The following CTNND2 variants were observed in gnomAD, a reference collection of about 807,000 sequenced individuals.
CTNND2 encodes catenin delta 2.
A neutral mutation model predicts 144.4 loss-of-function variants in CTNND2; 22 were observed. The observed-to-expected ratio is 0.15, with a 90% CI of 0.11 to 0.22. The LOEUF (loss-of-function observed/expected upper bound fraction) is 0.22. Among genes scored for constraint, CTNND2 ranks in the 10% least tolerant of loss-of-function variants. The probability of loss-of-function intolerance (pLI) is 1.00; values close to 1 mark genes in which losing one functional copy is unlikely to be tolerated. For synonymous variants in CTNND2, 751 were observed against 695.6 expected, an observed-to-expected ratio of 1.08 and a Z score of -1.25; for missense variants, 1,353 against 1,618.8, an observed-to-expected ratio of 0.84 and a Z score of 2.82.
At chr5:11,658,723 A>G (rs1204475753) in intron 2 of CTNND2, among the ~76,000 whole-genome samples, 1 of 152,156 alleles carries the variant, frequency 6.6e-6, no homozygotes, top group African/African-American at 2.4e-5. Flanking sequence ...TGCTGAGGGG[A>G]GGAAGTGACA....
intron 16 of CTNND2, among the ~76,000 whole-genome samples, chr5:11,067,458 T>C (rs545512963): frequency 6.6e-5 from 10 of 152,194 alleles, no homozygotes; most frequent in African/African-American, 9.7e-5. Flanking sequence ...AAAGAAACCA[T>C]GGGCCAAAGC....
chr5:11,265,150 C>A (rs1011420959), intron 9 of CTNND2, among the ~76,000 whole-genome samples: 3 of 151,802 alleles, frequency 2.0e-5, no homozygotes, highest in Non-Finnish European at 2.9e-5. Flanking sequence ...TGTATTAAAT[C>A]AAAAAAACTG....
chr5:11,075,036 T>A lies in CTNND2; in HGVS notation c.2788+7660A>T, dbSNP rs1056698957. Among the ~76,000 whole-genome samples, 7 of 151,888 alleles carry A rather than the reference T, an allele frequency of 4.6e-5. No individual in the cohort carries two copies. In the East Asian group the frequency reaches 1.4e-3, roughly 30 times the overall value. ...GGAAAGGAATAGCAATGATTTTTAC[T>A]ACTTAAAAAATAATAAACTCCCAGG... On this transcript the variant is annotated intron_variant, in intron 16 of 21. Coordinates refer to ENST00000304623, the MANE Select transcript of CTNND2 (RefSeq NM_001332.4).
chr5:11,275,369 C>G (rs537233591), intron 9 of CTNND2, among the ~76,000 whole-genome samples: 1 of 152,318 alleles, frequency 6.6e-6, no homozygotes, highest in East Asian at 1.9e-4. Flanking sequence ...TGACTGGAAG[C>G]CAGCTCTCCC....
chr5:11,417,681 TCTC>T (rs1395444054), intron 3 of CTNND2, among the ~76,000 whole-genome samples: 2 of 152,170 alleles, frequency 1.3e-5, no homozygotes, highest in Admixed American at 6.5e-5. Flanking sequence ...GGGAAGTAAT[TCTC>T]ATACACTGTA....
intron 16 of CTNND2, among the ~76,000 whole-genome samples, chr5:11,064,078 T>C (rs999191501): frequency 6.6e-6 from 1 of 152,030 alleles, no homozygotes; most frequent in Admixed American, 6.5e-5. Flanking sequence ...AAGATGACTT[T>C]AGAACTTCAG....
chr5:11,802,804 T>C (rs1365870537), intron 1 of CTNND2, among the ~76,000 whole-genome samples: 1 of 152,220 alleles, frequency 6.6e-6, no homozygotes, highest in Non-Finnish European at 1.5e-5. Context: ...TTTTATCAAA[T>C]ACATATTCAT....
chr5:11,082,726 C>A lies in CTNND2; in HGVS notation c.2758G>T (p.Ala920Ser). 1 of 1,614,176 alleles carries A rather than the reference C, an allele frequency of 6.2e-7. No individual in the cohort carries two copies. Among genetic ancestry groups the A allele is most frequent in the Non-Finnish European group, 8.5e-7 (1 of 1,180,028 alleles). The change falls in exon 16 of 22, where the codon GCC becomes TCC. Residue 920 changes from alanine (A) to serine (S), a missense_variant. Physicochemically the swap from Ala to Ser is moderately conservative, Grantham distance 99. Transcript: ENST00000304623. ...AGCTCCTTATTTCTGACGTCCAAGG[C>A]CATGTTCCGCAGCGCAGTGGCCACC... is the stretch of plus-strand genomic sequence containing the variant. ...CAVATALRNM[A>S]LDVRNKELIG... is the part of the protein sequence containing the mutation.
chr5:11,273,368 G>A (rs1346428043), intron 9 of CTNND2, among the ~76,000 whole-genome samples: 1 of 152,182 alleles, frequency 6.6e-6, no homozygotes, highest in Non-Finnish European at 1.5e-5. Context: ...TGTGTAACTG[G>A]CTAAGTGTAT....
At chr5:11,535,542 T>C (rs1052002363) in intron 3 of CTNND2, among the ~76,000 whole-genome samples, 3 of 152,336 alleles carry the variant, frequency 2.0e-5, no homozygotes, top group Admixed American at 2.0e-4. Context: ...AGTGTAATCT[T>C]ATAAGTGGTA....
intron 3 of CTNND2, among the ~76,000 whole-genome samples, chr5:11,439,279 G>A (rs1764038883): frequency 6.6e-6 from 1 of 152,082 alleles, no homozygotes; most frequent in South Asian, 2.1e-4. Context: ...ATTCCTTAGG[G>A]GTAGACCTAG....
At chr5:11,707,514 T>C (rs1035608299) in intron 2 of CTNND2, among the ~76,000 whole-genome samples, 1 of 152,180 alleles carries the variant, frequency 6.6e-6, no homozygotes, top group African/African-American at 2.4e-5. Flanking sequence ...GGGAAATATA[T>C]TTGTACCTTT....
At chr5:11,502,027 CAAAAAAAAAAAAAAAAA>C (rs547364682) in intron 3 of CTNND2, among the ~76,000 whole-genome samples, 1 of 57,240 alleles carries the variant, frequency 1.7e-5, no homozygotes. Flanking sequence ...GACTCCATCT[CAAAAAAAAAAAAAAAAA>C]AAAAAAAAAG....
chr5:11,142,608 CTTTTT>C (rs955587756), intron 12 of CTNND2, among the ~76,000 whole-genome samples: 1 of 133,282 alleles, frequency 7.5e-6, no homozygotes. Context: ...AATTTAAACT[CTTTTT>C]TTTTTTTTTT....
chr5:11,888,198 G>T (rs2127090643), intron 1 of CTNND2, among the ~76,000 whole-genome samples: 1 of 152,276 alleles, frequency 6.6e-6, no homozygotes, highest in Non-Finnish European at 1.5e-5. Context: ...CTTAGAAAAT[G>T]GAATATTGTA....
intron 9 of CTNND2, among the ~76,000 whole-genome samples, chr5:11,267,631 TG>T (rs1352169081): frequency 6.6e-6 from 1 of 152,180 alleles, no homozygotes; most frequent in African/African-American, 2.4e-5. Flanking sequence ...ATGCCCACCG[TG>T]TGATTTAAAA....
intron 15 of CTNND2, among the ~76,000 whole-genome samples, chr5:11,091,987 T>G (rs182450056): frequency 3.2e-4 from 48 of 152,346 alleles, no homozygotes; most frequent in Non-Finnish European, 4.6e-4. Context: ...CTGATCACTT[T>G]GATATCTCCC....
chr5:11,558,953 C>T (rs1776462156), intron 3 of CTNND2, among the ~76,000 whole-genome samples: 2 of 152,128 alleles, frequency 1.3e-5, no homozygotes, highest in Admixed American at 6.5e-5. Flanking sequence ...ACCACTACCA[C>T]CCCCTTTTCT....
At chr5:11,777,987 C>T (rs937122493) in intron 1 of CTNND2, among the ~76,000 whole-genome samples, 8 of 152,162 alleles carry the variant, frequency 5.3e-5, no homozygotes, top group African/African-American at 1.9e-4. Flanking sequence ...TAAGCATGTA[C>T]TGTGTGCCAC....
Sources: allele counts gnomAD v4.1 joint callset (sites outside exome capture counted in the v4.1 genomes callset), GRCh38; gene constraint gnomAD v4.1.1; transcripts MANE v1.5; gene names NCBI Gene and HGNC (gene_info 2026-07-23, HGNC 2026-07-21).